SULT4A1: variants seen among roughly 807,000 people sequenced by gnomAD.
SULT4A1 encodes the protein sulfotransferase family 4A member 1, also known as sulfotransferase 4A1.
In SULT4A1, 11 loss-of-function variants were observed where a neutral mutation model predicts 35.2. That is an observed-to-expected ratio of 0.31 (90% CI 0.20 to 0.52). The LOEUF is 0.52. Ranked by LOEUF, SULT4A1 falls within the 20% of genes least tolerant of loss-of-function variation. The probability of loss-of-function intolerance (pLI) is 0.97; values close to 1 mark genes in which losing one functional copy is unlikely to be tolerated. For missense variants in SULT4A1, 271 were observed against 383.7 expected, an observed-to-expected ratio of 0.71 and a Z score of 2.45; for synonymous variants, 152 against 151.8, an observed-to-expected ratio of 1.00 and a Z score of -0.01.
At chr22:43,839,837 G>A (rs1004155383) in intron 3 of SULT4A1, 108 bp downstream of exon 3, 10 of 1,044,356 alleles carry the variant, frequency 9.6e-6, no homozygotes, top group African/African-American at 9.5e-5. Context: ...TGGGAAGACA[G>A]CCCCCAAGGC....
At chr22:43,852,391 C>A (rs1352206800) in intron 1 of SULT4A1, among the ~76,000 whole-genome samples, 1 of 151,298 alleles carries the variant, frequency 6.6e-6, no homozygotes, top group East Asian at 2.0e-4. Flanking sequence ...GTTGCCCAGA[C>A]GGTCTTGAAC....
chr22:43,827,340 C>T, intron 6 of SULT4A1: 1 of 985,396 alleles, frequency 1.0e-6, no homozygotes, highest in Non-Finnish European at 1.2e-6. Context: ...CGGACTTTCT[C>T]TTTGGTAACA....
intron 2 of SULT4A1, among the ~76,000 whole-genome samples, chr22:43,840,752 CCCG>C (rs2063420261): frequency 6.6e-6 from 1 of 152,226 alleles, no homozygotes; most frequent in African/African-American, 2.4e-5. Flanking sequence ...CTGCTCAGAG[CCCG>C]TCTTCCCAGC....
At chr22:43,856,645 C>T (rs2049403924) in intron 1 of SULT4A1, among the ~76,000 whole-genome samples, 1 of 152,098 alleles carries the variant, frequency 6.6e-6, no homozygotes, top group Admixed American at 6.5e-5. Flanking sequence ...ACGAGGAAGA[C>T]CAAAAGGTGG....
At chr22:43,838,824 A>G in intron 4 of SULT4A1, 43 bp downstream of exon 4, 2 of 1,611,236 alleles carry the variant, frequency 1.2e-6, no homozygotes, top group South Asian at 2.2e-5. Context: ...CCACGACAAC[A>G]GACGGCTCCG....
At chr22:43,843,358 G>A (rs2063449166) in intron 1 of SULT4A1, among the ~76,000 whole-genome samples, 1 of 152,222 alleles carries the variant, frequency 6.6e-6, no homozygotes, top group Non-Finnish European at 1.5e-5. Context: ...GGAGGTAGAG[G>A]CTGCAGTGAG....
chr22:43,856,787 C>A (rs961132947), intron 1 of SULT4A1, among the ~76,000 whole-genome samples: 1 of 152,152 alleles, frequency 6.6e-6, no homozygotes, highest in Non-Finnish European at 1.5e-5. Context: ...CCAAACCAGA[C>A]CAACGAGGCG....
At chr22:43,830,743 T>A (rs2063319512) in intron 5 of SULT4A1, among the ~76,000 whole-genome samples, 1 of 152,130 alleles carries the variant, frequency 6.6e-6, no homozygotes, top group Admixed American at 6.5e-5. Context: ...AGTGCCCGGC[T>A]CGTGGGAAAG....
At chr22:43,851,278 C>T (rs562387040) in intron 1 of SULT4A1, among the ~76,000 whole-genome samples, 4 of 152,260 alleles carry the variant, frequency 2.6e-5, no homozygotes, top group South Asian at 2.1e-4. Context: ...CGTGTCTTGA[C>T]GCTCAGAGGA....
At chr22:43,860,425 G>A (rs1020515562) in intron 1 of SULT4A1, among the ~76,000 whole-genome samples, 1 of 152,192 alleles carries the variant, frequency 6.6e-6, no homozygotes, top group Non-Finnish European at 1.5e-5. Context: ...CGTGTGTCTG[G>A]ACGTGGGCTA....
chr22:43,853,846 A>G (rs1229166429), intron 1 of SULT4A1, among the ~76,000 whole-genome samples: 2 of 152,232 alleles, frequency 1.3e-5, no homozygotes, highest in African/African-American at 4.8e-5. Flanking sequence ...GCTCCACCCC[A>G]GGGAGAAGAG....
intron 1 of SULT4A1, among the ~76,000 whole-genome samples, chr22:43,858,478 G>T (rs2049428410): frequency 6.6e-6 from 1 of 152,124 alleles, no homozygotes; most frequent in African/African-American, 2.4e-5. Context: ...AAAGGGGAAG[G>T]GATGAGGGAG....
intron 1 of SULT4A1, among the ~76,000 whole-genome samples, chr22:43,848,615 G>A (rs1007313811): frequency 5.9e-5 from 9 of 152,246 alleles, no homozygotes; most frequent in African/African-American, 2.2e-4. Context: ...GCAGGGCCAG[G>A]TGGGGCCAAG....
chr22:43,835,346 CAG>C (rs2063362121), intron 4 of SULT4A1, among the ~76,000 whole-genome samples: 1 of 152,216 alleles, frequency 6.6e-6, no homozygotes, highest in African/African-American at 2.4e-5. Flanking sequence ...CTCCATACGA[CAG>C]AGAGCAAGGC....
intron 4 of SULT4A1, among the ~76,000 whole-genome samples, chr22:43,835,896 G>A (rs1440917280): frequency 6.6e-6 from 1 of 152,312 alleles, no homozygotes; most frequent in African/African-American, 2.4e-5. Context: ...CACAGCAGGA[G>A]GGGGGACGGG....
intron 1 of SULT4A1, 30 bp downstream of exon 1, chr22:43,862,184 C>T (rs1442897969): frequency 6.8e-7 from 1 of 1,465,068 alleles, no homozygotes; most frequent in Admixed American, 2.3e-5. Flanking sequence ...TGGGGCATGG[C>T]GTGGCGGGCG....
chr22:43,839,079 G>A, intron 3 of SULT4A1, 86 bp from the exon 4 acceptor site: 1 of 1,551,254 alleles, frequency 6.4e-7, no homozygotes, highest in Non-Finnish European at 8.8e-7. Flanking sequence ...CCCTGAACCT[G>A]CTGGTGCACC....
At chr22:43,859,152 C>T (rs531238443) in intron 1 of SULT4A1, among the ~76,000 whole-genome samples, 23 of 152,320 alleles carry the variant, frequency 1.5e-4, no homozygotes, top group Non-Finnish European at 2.8e-4. Context: ...AAAACTAGGA[C>T]ATCCATCTAG....
At chr22:43,850,146 C>T (rs958260785) in intron 1 of SULT4A1, among the ~76,000 whole-genome samples, 3 of 152,218 alleles carry the variant, frequency 2.0e-5, no homozygotes, top group Non-Finnish European at 2.9e-5. Flanking sequence ...CAAAGACCCA[C>T]GGTTCTCTCC....
Sources: allele counts gnomAD v4.1 joint callset (sites outside exome capture counted in the v4.1 genomes callset), GRCh38; gene constraint gnomAD v4.1.1; transcripts MANE v1.5; gene names NCBI Gene and HGNC (gene_info 2026-07-23, HGNC 2026-07-21).